Variants in NCOA2 observed in about 807,000 individuals in gnomAD.
The protein encoded by NCOA2 is class E basic helix-loop-helix protein 75.
NCOA2 carries 21 observed loss-of-function variants against 145.1 expected under a neutral mutation model. The observed-to-expected ratio is 0.14, with a 90% CI of 0.10 to 0.21. The LOEUF is 0.21. Ranked by LOEUF, NCOA2 falls within the 10% of genes least tolerant of loss-of-function variation. NCOA2 has a pLI of 1.00. For missense variants in NCOA2, 1,472 were observed against 1,837.6 expected, an observed-to-expected ratio of 0.80 and a Z score of 3.64; for synonymous variants, 619 against 637.5, an observed-to-expected ratio of 0.97 and a Z score of 0.44.
At chr8:70,387,180 A>G (rs1812744703) in intron 1 of NCOA2, among the ~76,000 whole-genome samples, 1 of 152,172 alleles carries the variant, frequency 6.6e-6, no homozygotes, top group Non-Finnish European at 1.5e-5. Flanking sequence ...TTATTTACCT[A>G]CTGTAGACAG....
At chr8:70,304,492 A>C (rs1827734635) in intron 1 of NCOA2, among the ~76,000 whole-genome samples, 1 of 151,394 alleles carries the variant, frequency 6.6e-6, no homozygotes. Context: ...TTTTTAGACA[A>C]GTCTTGCACT....
At chr8:70,194,676 CT>C (rs199803538) in intron 4 of NCOA2, among the ~76,000 whole-genome samples, 78,782 of 109,740 alleles carry the variant, frequency 0.72, 28,237 homozygotes, top group Non-Finnish European at 0.78. Context: ...CTTTTATCTT[CT>C]TTTTTTTTTT....
intron 1 of NCOA2, among the ~76,000 whole-genome samples, chr8:70,386,203 G>T (rs978155717): frequency 3.3e-5 from 5 of 152,162 alleles, no homozygotes; most frequent in Non-Finnish European, 7.3e-5. Context: ...ATTACAAACA[G>T]ATTTCTAGAT....
At chr8:70,378,039 G>A (rs1811834833) in intron 1 of NCOA2, among the ~76,000 whole-genome samples, 1 of 152,132 alleles carries the variant, frequency 6.6e-6, no homozygotes, top group Admixed American at 6.5e-5. Context: ...GGAACCATGA[G>A]ACTGCAAGTA....
At chr8:70,443,977 ACACACACACACG>A in the NCOA2 span, among the ~76,000 whole-genome samples, 1 of 152,070 alleles carries the variant, frequency 6.6e-6, no homozygotes, top group Non-Finnish European at 1.5e-5. Context: ...GCGTGCTTGC[ACACACACACACG>A]CACACACACA....
chr8:70,400,566 G>A (rs927511392), intron 1 of NCOA2, among the ~76,000 whole-genome samples: 2 of 152,128 alleles, frequency 1.3e-5, no homozygotes, highest in African/African-American at 2.4e-5. Context: ...ACAAATGGTG[G>A]GGGGTTTTGA....
At chr8:70,278,989 AT>A (rs1047146319) in intron 2 of NCOA2, among the ~76,000 whole-genome samples, 52 of 151,802 alleles carry the variant, frequency 3.4e-4, no homozygotes, top group Admixed American at 6.6e-4. Flanking sequence ...AAAAAAAAAA[AT>A]CATTTCATTT....
chr8:70,453,858 C>T, the NCOA2 span, among the ~76,000 whole-genome samples: 1 of 152,120 alleles, frequency 6.6e-6, no homozygotes, highest in Non-Finnish European at 1.5e-5. Flanking sequence ...TAATGTTATG[C>T]TTTAAACAAC....
intron 2 of NCOA2, among the ~76,000 whole-genome samples, chr8:70,240,338 C>T (rs142324702): frequency 5.9e-5 from 9 of 152,262 alleles, no homozygotes; most frequent in East Asian, 3.9e-4. Context: ...TATACAGAAA[C>T]ACCCTCATAA....
At chr8:70,411,597 AG>A in the NCOA2 span, among the ~76,000 whole-genome samples, 1 of 152,240 alleles carries the variant, frequency 6.6e-6, no homozygotes, top group Non-Finnish European at 1.5e-5. Context: ...GTCCTTCAAC[AG>A]AAGACTGAAT....
chr8:70,319,754 T>C (rs1805896382), intron 1 of NCOA2, among the ~76,000 whole-genome samples: 1 of 152,180 alleles, frequency 6.6e-6, no homozygotes, highest in Non-Finnish European at 1.5e-5. Flanking sequence ...CATACTTTCT[T>C]TAAACCTAGT....
intron 14 of NCOA2, among the ~76,000 whole-genome samples, chr8:70,139,510 T>C (rs1027407235): frequency 1.3e-5 from 2 of 152,182 alleles, no homozygotes; most frequent in African/African-American, 4.8e-5. Flanking sequence ...GTACATTCAA[T>C]GTAGTGAGGC....
At chr8:70,174,229 T>G (rs1381326391) in intron 5 of NCOA2, among the ~76,000 whole-genome samples, 3 of 152,210 alleles carry the variant, frequency 2.0e-5, no homozygotes, top group Non-Finnish European at 4.4e-5. Context: ...CTGAAGTTAA[T>G]AAACAACAGG....
chr8:70,256,049 A>G (rs2134890835), intron 2 of NCOA2, among the ~76,000 whole-genome samples: 1 of 152,302 alleles, frequency 6.6e-6, no homozygotes, highest in South Asian at 2.1e-4. Context: ...ACATACAGAA[A>G]CCTTTTACCC....
At chr8:70,387,491 T>A (rs1376174962) in intron 1 of NCOA2, among the ~76,000 whole-genome samples, 1 of 152,208 alleles carries the variant, frequency 6.6e-6, no homozygotes, top group African/African-American at 2.4e-5. Flanking sequence ...TCTCTTATTT[T>A]AAAGGAAAGG....
intron 4 of NCOA2, among the ~76,000 whole-genome samples, chr8:70,179,178 T>C (rs1024076919): frequency 1.3e-5 from 2 of 152,244 alleles, no homozygotes; most frequent in Non-Finnish European, 2.9e-5. Flanking sequence ...ATGTATTTTC[T>C]AGCTAATTTG....
At chr8:70,247,955 C>G (rs546236617) in intron 2 of NCOA2, among the ~76,000 whole-genome samples, 18 of 152,328 alleles carry the variant, frequency 1.2e-4, no homozygotes, top group African/African-American at 3.8e-4. Flanking sequence ...TGCTGGCATA[C>G]ACGAATTGGT....
chr8:70,397,409 C>T (rs1414580635), intron 1 of NCOA2, among the ~76,000 whole-genome samples: 2 of 148,682 alleles, frequency 1.3e-5, no homozygotes, highest in Admixed American at 1.4e-4. Flanking sequence ...GCTGAGATCA[C>T]ACCACTGCAC....
At chr8:70,176,227 T>C (rs1212131879) in intron 4 of NCOA2, among the ~76,000 whole-genome samples, 1 of 152,248 alleles carries the variant, frequency 6.6e-6, no homozygotes, top group Non-Finnish European at 1.5e-5. Flanking sequence ...GTTCCAAATG[T>C]AGTAATTTCT....
Sources: gnomAD v4.1 joint callset for allele counts (sites outside exome capture counted in the v4.1 genomes callset) on GRCh38, gnomAD v4.1.1 for gene constraint, MANE v1.5 for transcripts, NCBI Gene and HGNC (gene_info 2026-07-23, HGNC 2026-07-21) for gene names.